The following CFAP251 variants were observed in gnomAD, a reference collection of about 807,000 sequenced individuals.
CFAP251 encodes the protein cilia and flagella associated protein 251.
Under a neutral mutation model 126.7 loss-of-function variants are expected in CFAP251, and 93 were observed. The observed-to-expected ratio is 0.73, with a 90% CI of 0.62 to 0.87. The LOEUF is 0.87. Ranked by LOEUF, CFAP251 falls within the 40% of genes least tolerant of loss-of-function variation. The pLI is 0.00. For missense variants in CFAP251, 1,287 were observed against 1,389.2 expected, an observed-to-expected ratio of 0.93 and a Z score of 1.17; for synonymous variants, 503 against 506.9, an observed-to-expected ratio of 0.99 and a Z score of 0.10.
chr12:121,988,025 C>T (rs1046712992), intron 19 of CFAP251, among the ~76,000 whole-genome samples: 1 of 151,846 alleles, frequency 6.6e-6, no homozygotes, highest in African/African-American at 2.4e-5. Context: ...TCATAACAAG[C>T]ATGTTTCACT....
intron 17 of CFAP251, 139 bp downstream of exon 17, chr12:121,968,308 G>T: frequency 1.3e-6 from 1 of 768,364 alleles, no homozygotes. Flanking sequence ...GCTCCCCGGT[G>T]GCATTGCTCA....
chr12:121,928,161 A>G (rs1237214548), intron 3 of CFAP251, among the ~76,000 whole-genome samples: 2 of 152,208 alleles, frequency 1.3e-5, no homozygotes, highest in Non-Finnish European at 2.9e-5. Flanking sequence ...AATTTGTTAA[A>G]TGGCAAAATA....
At chr12:121,928,680 A>ACG (rs1880545347) in intron 3 of CFAP251, among the ~76,000 whole-genome samples, 2 of 60,106 alleles carry the variant, frequency 3.3e-5, no homozygotes, top group East Asian at 3.5e-4. Flanking sequence ...GTATATATAT[A>ACG]TATATATACG....
chr12:121,942,946 C>T lies in CFAP251; in HGVS notation c.1162C>T (p.Leu388Phe). ...TLAVETPACT[L>F]ELPTEYGVQN... is the part of the protein sequence containing the mutation. ...GGCAGTGGAAACGCCAGCATGCACT[C>T]TCGAACTCCCCACAGAGTACGGTGT... The change falls in exon 7 of 22, where the codon CTC (leucine) becomes TTC (phenylalanine). Residue 388 changes from leucine to phenylalanine, a missense_variant. Transcript: ENST00000288912. The T allele has an allele frequency of 6.2e-7, 1 of 1,614,192 alleles. No homozygotes were observed. Among genetic ancestry groups the T allele is most frequent in the East Asian group, 2.2e-5 (1 of 44,880 alleles).
At chr12:121,972,194 G>A (rs1270018100) in intron 17 of CFAP251, 1 of 158,530 alleles carries the variant, frequency 6.3e-6, no homozygotes, top group Admixed American at 6.2e-5. Flanking sequence ...TTGGAACTGG[G>A]TAACAGGCAG....
rs1423061216 is a variant in CFAP251 at position 121,979,692 on chromosome 12, G to A, written c.3006+4007G>A. 3.3e-5 allele frequency among the ~76,000 whole-genome samples: 5 copies of A among 149,820 alleles called. No homozygotes were observed. The Admixed American group carries it at 3.4e-4, about 10-fold the overall frequency. ...CGATTCTCCTGCCTCAGCCTCCCGA[G>A]TAACTGGGATTACAGGCATGCACCA... On this transcript the variant is annotated intron_variant, in intron 19 of 21. Coordinates refer to ENST00000288912, the MANE Select transcript of CFAP251 (RefSeq NM_144668.6).
intron 3 of CFAP251, among the ~76,000 whole-genome samples, chr12:121,924,205 G>A (rs889206528): frequency 1.3e-5 from 2 of 152,024 alleles, no homozygotes; most frequent in Non-Finnish European, 2.9e-5. Flanking sequence ...CACCTCCCAG[G>A]TTCAAGCAAT....
In CFAP251 at chr12:121,975,292, C is replaced by G. The variant is rs759237870; in HGVS notation, c.2820C>G (p.Phe940Leu). 1.2e-6 allele frequency: 2 copies of G among 1,613,984 alleles called. No individual in the cohort carries two copies. The highest frequency in any genetic ancestry group is 4.5e-5 in the East Asian group (2 of 44,890). Residue 940 changes from phenylalanine to leucine, a missense_variant, in exon 18 of 22, where the codon TTC becomes TTG. Phe to Leu is a conservative substitution (Grantham distance 22, BLOSUM62 0). Coordinates refer to ENST00000288912, the MANE Select transcript of CFAP251 (RefSeq NM_144668.6). ...TTGGGGGTGAAGACTTGACCCCATTCTATGGTCTGCTGTCTGGTGGCCGGG... is the reference window on the plus strand; with the variant it reads ...TTGGGGGTGAAGACTTGACCCCATTGTATGGTCTGCTGTCTGGTGGCCGGG... ...VSLGGEDLTP[F>L]YGLLSGGREG...
chr12:121,983,520 T>A (rs926616980), intron 19 of CFAP251, among the ~76,000 whole-genome samples: 1 of 151,842 alleles, frequency 6.6e-6, no homozygotes, highest in Non-Finnish European at 1.5e-5. Context: ...AGAAAAGGTA[T>A]CCGGAAAAAA....
At chr12:121,991,040 A>C (rs1042370565) in intron 19 of CFAP251, among the ~76,000 whole-genome samples, 2 of 152,244 alleles carry the variant, frequency 1.3e-5, no homozygotes, top group African/African-American at 4.8e-5. Flanking sequence ...CCAAATGCTC[A>C]GTAACTACTA....
chr12:121,922,451 T>G (rs949549104), intron 2 of CFAP251, among the ~76,000 whole-genome samples: 26 of 151,876 alleles, frequency 1.7e-4, no homozygotes, highest in Non-Finnish European at 5.9e-5. Flanking sequence ...GACCTATGAG[T>G]GCAGTGAGTG....
intron 7 of CFAP251, among the ~76,000 whole-genome samples, chr12:121,945,621 G>C (rs1409099121): frequency 6.6e-6 from 1 of 151,446 alleles, no homozygotes; most frequent in Non-Finnish European, 1.5e-5. Context: ...GGGATTACAG[G>C]TATAAGCCAC....
intron 19 of CFAP251, among the ~76,000 whole-genome samples, chr12:121,983,699 G>C (rs1445765746): frequency 2.6e-5 from 4 of 151,882 alleles, no homozygotes; most frequent in Admixed American, 1.3e-4. Context: ...ACTCAGTGAG[G>C]GCCCCGCTCA....
intron 15 of CFAP251, among the ~76,000 whole-genome samples, chr12:121,963,346 G>A (rs1426110695): frequency 6.6e-6 from 1 of 152,090 alleles, no homozygotes; most frequent in African/African-American, 2.4e-5. Context: ...AGATAGCTTT[G>A]AGATAAACCA....
Position 121,934,339 on chromosome 12 carries a change from A to G in CFAP251, c.981A>G (p.Ile327Met), listed in dbSNP as rs1439204103. The G allele has an allele frequency of 1.9e-6, 3 of 1,613,632 alleles. No individual in the cohort carries two copies. Among genetic ancestry groups the G allele is most frequent in the Non-Finnish European group, 2.5e-6 (3 of 1,179,762 alleles). The change falls in exon 5 of 22, where the codon ATA (isoleucine) becomes ATG (methionine). Residue 327 changes from isoleucine (I) to methionine (M), a missense_variant. By Grantham distance (10) the Ile-to-Met change is conservative. Coordinates refer to ENST00000288912, the MANE Select transcript of CFAP251 (RefSeq NM_144668.6). ...ADKGPDCLVI[I>M]WDSFTGIPVH... ...AAGGGCCAGACTGCCTGGTGATTAT[A>G]TGGGACTCCTTCACAGGGTAGGCTT...
chr12:121,952,240 T>TAAAAAAAAAAAAAAAAAAAAAA lies in CFAP251; in HGVS notation c.1320+720_1320+741dup, dbSNP rs558861973. On this transcript the variant is annotated intron_variant, in intron 9 of 21. Coordinates refer to ENST00000288912, the MANE Select transcript of CFAP251 (RefSeq NM_144668.6). ...AACACAGGCTAGACTTCGTTTCTACTAAAAAAAAAAAAAAAAAAAAAAAAA... is the reference window on the plus strand; with the variant it reads ...AACACAGGCTAGACTTCGTTTCTACTAAAAAAAAAAAAAAAAAAAAAAAAAAAAAAAAAAAAAAAAAAAAAAA... Among the ~76,000 whole-genome samples the TAAAAAAAAAAAAAAAAAAAAAA allele has an allele frequency of 3.3e-5, 3 of 92,100 alleles. 1 individual carries two copies. Among genetic ancestry groups the TAAAAAAAAAAAAAAAAAAAAAA allele is most frequent in the Admixed American group, 1.2e-4 (1 of 8,528 alleles). The allele number at this position is 92,100 out of a possible 152,430, so 60.4% of individuals were successfully genotyped here. A position where few individuals can be genotyped will look rare whatever the true frequency, so the allele number is the denominator to read the frequency against.
intron 2 of CFAP251, among the ~76,000 whole-genome samples, chr12:121,922,125 G>A (rs1452971182): frequency 1.6e-4 from 11 of 69,840 alleles, no homozygotes; most frequent in African/African-American, 5.7e-4. Context: ...TTTTTTTTTT[G>A]AGACAGAGTT....
At chr12:121,998,488 T>TATATATATATA (rs1230224761) in intron 19 of CFAP251, 1 of 105,550 alleles carries the variant, frequency 9.5e-6, no homozygotes, top group African/African-American at 3.4e-5. Flanking sequence ...TATATATATA[T>TATATATATATA]GATTGTGTTA....
chr12:122,001,381 AG>A, intron 20 of CFAP251, 115 bp from the exon 21 acceptor site: 2 of 1,041,882 alleles, frequency 1.9e-6, no homozygotes, highest in South Asian at 2.7e-5. Flanking sequence ...ATTGAGTAAA[AG>A]AAAAAAAAAT....
Sources: gnomAD v4.1 joint callset for allele counts (sites outside exome capture counted in the v4.1 genomes callset) on GRCh38, gnomAD v4.1.1 for gene constraint, MANE v1.5 for transcripts, NCBI Gene and HGNC (gene_info 2026-07-23, HGNC 2026-07-21) for gene names.